Variants in ARHGEF4 observed in about 807,000 individuals in gnomAD.
ARHGEF4 encodes the protein Rho guanine nucleotide exchange factor 4, also known as APC-stimulated guanine nucleotide exchange factor 1.
ARHGEF4 carries 119 observed loss-of-function variants against 162.0 expected under a neutral mutation model. The observed-to-expected ratio is 0.73, with a 90% CI of 0.63 to 0.86. ARHGEF4 has a LOEUF of 0.86. ARHGEF4 is among the 40% of genes least tolerant of loss of function. The pLI, the probability that ARHGEF4 is intolerant of heterozygous loss-of-function variation, is 0.00. For missense variants in ARHGEF4, 2,488 were observed against 2,456.0 expected (o/e 1.01, Z -0.28); for synonymous variants, 1,014 against 979.9 (o/e 1.03, Z -0.65).
At chr2:130,953,143 C>G (rs1684055404) in intron 4 of ARHGEF4, among the ~76,000 whole-genome samples, 2 of 152,196 alleles carry the variant, frequency 1.3e-5, no homozygotes, top group African/African-American at 4.8e-5. Flanking sequence ...ATCATGCTAC[C>G]TGACTTCAAA....
At position 130,869,755 on chromosome 2, in the gene ARHGEF4, C is replaced by T. The variant is rs564053772; in HGVS notation, c.39+32763C>T. Among the ~76,000 whole-genome samples, 3 of 152,338 alleles carry T rather than the reference C, an allele frequency of 2.0e-5. No individual in the cohort carries two copies. The South Asian group carries it at 6.2e-4, about 32-fold the overall frequency. ...TGACATATCCGCATTCAGACCAAGT[C>T]GTCCCTCAGCTAGGGAACGGCCGCC... On this transcript the variant is annotated intron_variant, in intron 1 of 13. Transcript: ENST00000409359.
At chr2:130,991,536 GGAGCAGCCGGCCGGCCCTGCC>G (rs1208412799) in intron 4 of ARHGEF4, among the ~76,000 whole-genome samples, 1 of 152,184 alleles carries the variant, frequency 6.6e-6, no homozygotes, top group Non-Finnish European at 1.5e-5. Context: ...CCCGGCACTC[GGAGCAGCCGGCCGGCCCTGCC>G]GGCCCCGGGC....
intron 2 of ARHGEF4, among the ~76,000 whole-genome samples, chr2:130,923,048 A>G (rs1681985404): frequency 6.6e-6 from 1 of 151,988 alleles, no homozygotes; most frequent in Non-Finnish European, 1.5e-5. Context: ...CTCCTGCCTC[A>G]GCCTCCCAAG....
At chr2:131,039,844 G>C (rs1165240390) in intron 6 of ARHGEF4, 172 bp from the exon 7 acceptor site, 1 of 1,426,174 alleles carries the variant, frequency 7.0e-7, no homozygotes, top group African/African-American at 1.5e-5. Context: ...TCATTCCTCG[G>C]TCCAGGACTT....
At chr2:130,856,122 T>A (rs1190907787) in intron 1 of ARHGEF4, among the ~76,000 whole-genome samples, 1 of 152,156 alleles carries the variant, frequency 6.6e-6, no homozygotes, top group East Asian at 1.9e-4. Flanking sequence ...AAGCCATGAA[T>A]AAAGAATTCA....
At chr2:130,910,153 A>G (rs1307345529) in intron 1 of ARHGEF4, among the ~76,000 whole-genome samples, 1 of 152,198 alleles carries the variant, frequency 6.6e-6, no homozygotes, top group Non-Finnish European at 1.5e-5. Flanking sequence ...GTAATTACCT[A>G]TGTAACAAAC....
intron 4 of ARHGEF4, among the ~76,000 whole-genome samples, chr2:131,013,608 T>C (rs763740477): frequency 9.2e-5 from 14 of 152,184 alleles, no homozygotes; most frequent in Non-Finnish European, 2.1e-4. Context: ...ATTGATTGAT[T>C]GATTGATTTT....
chr2:130,988,878 A>G (rs62178932), intron 4 of ARHGEF4, among the ~76,000 whole-genome samples: 3,082 of 62,882 alleles, frequency 0.049, 26 homozygotes, highest in Non-Finnish European at 0.053. Context: ...GTGTGTATAT[A>G]TATATATATA....
chr2:130,957,219 G>A lies in ARHGEF4; in HGVS notation c.3985+10584G>A, dbSNP rs551518864. 1.0e-4 allele frequency among the ~76,000 whole-genome samples: 15 copies of A among 150,390 alleles called. No individual in the cohort carries two copies. The South Asian group carries it at 1.0e-3, about 11-fold the overall frequency. Reference sequence around the variant, plus strand: ...TCTTCACAAACTCTTCCAAAAAGTAGAAGAGGAGGGAACACTTCCCAACTC... The same window carrying A: ...TCTTCACAAACTCTTCCAAAAAGTAAAAGAGGAGGGAACACTTCCCAACTC... On this transcript the variant is annotated intron_variant, in intron 4 of 13. Coordinates refer to ENST00000409359, the MANE Select transcript of ARHGEF4 (RefSeq NM_001367493.1).
At chr2:130,992,077 T>C (rs1003718146) in intron 4 of ARHGEF4, among the ~76,000 whole-genome samples, 37 of 152,304 alleles carry the variant, frequency 2.4e-4, no homozygotes, top group African/African-American at 8.7e-4. Flanking sequence ...GCTGCTCTGG[T>C]GGGGCCTTGG....
chr2:130,955,770 C>T (rs1047622345), intron 4 of ARHGEF4, among the ~76,000 whole-genome samples: 1 of 152,192 alleles, frequency 6.6e-6, no homozygotes, highest in South Asian at 2.1e-4. Flanking sequence ...TAGAAGGGCT[C>T]CTCCCAGCTA....
chr2:130,917,623 C>T lies in ARHGEF4; in HGVS notation c.3552+125C>T, dbSNP rs1453497439. The T allele has an allele frequency of 3.2e-6, 4 of 1,250,792 alleles. No individual in the cohort carries two copies. In the African/African-American group the frequency reaches 4.6e-5, roughly 14 times the overall value. 77.5% of individuals were successfully genotyped at this position (1,250,792 alleles called of 1,614,324 possible). A position where few individuals can be genotyped will look rare whatever the true frequency, so the allele number is the denominator to read the frequency against. ...GGCCAGGCCAAAATTGCCCCCGTTA[C>T]ACTCCCAGCCGCCCCCCCTCCCCCA... On this transcript the variant is annotated intron_variant, in intron 2 of 13. Coordinates refer to ENST00000409359, the MANE Select transcript of ARHGEF4 (RefSeq NM_001367493.1).
intron 4 of ARHGEF4, among the ~76,000 whole-genome samples, chr2:130,995,435 T>A (rs1026417182): frequency 1.3e-5 from 2 of 152,214 alleles, no homozygotes; most frequent in Non-Finnish European, 2.9e-5. Flanking sequence ...CCCGCGAGTA[T>A]ATTAGTGCTA....
intron 3 of ARHGEF4, among the ~76,000 whole-genome samples, chr2:130,939,147 C>T (rs1683131361): frequency 6.6e-6 from 1 of 152,158 alleles, no homozygotes; most frequent in Admixed American, 6.5e-5. Flanking sequence ...TGAGTGAGAA[C>T]ATGTGGTATT....
intron 1 of ARHGEF4, among the ~76,000 whole-genome samples, chr2:130,892,168 G>A (rs530536698): frequency 1.3e-5 from 2 of 152,102 alleles, no homozygotes; most frequent in African/African-American, 4.8e-5. Context: ...TTTGAATACT[G>A]TCTCTTCAGA....
Position 130,881,699 on chromosome 2 carries a change from T to C in ARHGEF4, c.40-32287T>C, listed in dbSNP as rs530141326. Among the ~76,000 whole-genome samples the C allele has an allele frequency of 3.3e-5, 5 of 152,216 alleles. 1 individual carries two copies. In the East Asian group the frequency reaches 9.7e-4, roughly 29 times the overall value. On this transcript the variant is annotated intron_variant, in intron 1 of 13. Coordinates refer to ENST00000409359, the MANE Select transcript of ARHGEF4 (RefSeq NM_001367493.1). Reference sequence around the variant, plus strand: ...GGAGATGTAAGGAGGGAGCGCTCACTGTGGCTCAGAAGTGCTGGAGGACCA... The same window carrying C: ...GGAGATGTAAGGAGGGAGCGCTCACCGTGGCTCAGAAGTGCTGGAGGACCA...
intron 6 of ARHGEF4, 43 bp downstream of exon 6, chr2:131,039,075 A>G (rs1300153190): frequency 1.3e-6 from 2 of 1,557,844 alleles, no homozygotes; most frequent in South Asian, 2.4e-5. Context: ...GGGCCCATAA[A>G]AAGCTACCTG....
chr2:130,940,579 G>A (rs998138439), intron 3 of ARHGEF4, among the ~76,000 whole-genome samples: 15 of 151,392 alleles, frequency 9.9e-5, no homozygotes, highest in Admixed American at 3.9e-4. Flanking sequence ...GGTGGCTCAC[G>A]CTTGTAATCC....
In ARHGEF4 at chr2:130,917,061, G is replaced by T. The variant is rs572153704; in HGVS notation, c.3115G>T (p.Gly1039Cys). ...CAAGTGCACAGCCACCCAGGAAGGC[G>T]GTAGGTACCTACCTTCAGGTATCTT... is the stretch of plus-strand genomic sequence containing the variant. ...TIKCTATQEG[G>C]RYLPSGIFPE... Residue 1039 changes from glycine to cysteine, a missense_variant, in exon 2 of 14, where the codon GGT (glycine) becomes TGT (cysteine). Gly to Cys is a radical substitution (Grantham distance 159). Transcript: ENST00000409359. 2 of 1,550,658 alleles carry T rather than the reference G, an allele frequency of 1.3e-6. No homozygotes were observed. The highest frequency in any genetic ancestry group is 2.0e-5 in the Admixed American group (1 of 50,980).
Sources: gnomAD v4.1 joint callset for allele counts (sites outside exome capture counted in the v4.1 genomes callset) on GRCh38, gnomAD v4.1.1 for gene constraint, MANE v1.5 for transcripts, NCBI Gene and HGNC (gene_info 2026-07-23, HGNC 2026-07-21) for gene names.